Variants in FARP1 observed in about 807,000 individuals in gnomAD.
The protein encoded by FARP1 is FERM, ARH/RhoGEF and pleckstrin domain protein 1.
FARP1 carries 52 observed loss-of-function variants against 128.8 expected under a neutral mutation model. The ratio of observed to expected loss-of-function variants is 0.40; its 90% CI spans 0.32 to 0.51. The LOEUF is 0.51. Ranked by LOEUF, FARP1 falls within the 20% of genes least tolerant of loss-of-function variation. FARP1 has a pLI of 0.45. For synonymous variants in FARP1, 580 were observed against 551.8 expected (o/e 1.05, Z -0.72); for missense variants, 1,333 against 1,367.9 (o/e 0.97, Z 0.40).
chr13:98,283,824 G>T (rs1355928571), intron 2 of FARP1, among the ~76,000 whole-genome samples: 1 of 152,164 alleles, frequency 6.6e-6, no homozygotes, highest in Non-Finnish European at 1.5e-5. Flanking sequence ...AATTAAGGAT[G>T]TACAAGTTAC....
intron 1 of FARP1, among the ~76,000 whole-genome samples, chr13:98,153,367 T>C (rs1222376568): frequency 8.1e-6 from 1 of 122,878 alleles, no homozygotes; most frequent in African/African-American, 3.1e-5. Context: ...ATATAAAATA[T>C]GTTATATATA....
chr13:98,406,036 T>G (rs948777359), intron 13 of FARP1: 4 of 152,222 alleles, frequency 2.6e-5, no homozygotes, highest in African/African-American at 7.2e-5. Context: ...AGTGAAAAAT[T>G]GATTCCACGT....
chr13:98,401,246 C>T (rs879217209), intron 13 of FARP1: 3 of 151,880 alleles, frequency 2.0e-5, no homozygotes, highest in Non-Finnish European at 4.4e-5. Flanking sequence ...AGTTTAATTC[C>T]ATCTGTTTCT....
chr13:98,285,697 C>A (rs564785900), intron 2 of FARP1, among the ~76,000 whole-genome samples: 2 of 152,328 alleles, frequency 1.3e-5, no homozygotes, highest in Admixed American at 1.3e-4. Context: ...GACTCTCTTC[C>A]TTTATGGAGA....
intron 6 of FARP1, among the ~76,000 whole-genome samples, chr13:98,380,317 G>A (rs1382706787): frequency 6.6e-6 from 1 of 151,560 alleles, no homozygotes; most frequent in Non-Finnish European, 1.5e-5. Context: ...TGTGGTGGCG[G>A]TGGGCGCCTG....
intron 24 of FARP1, among the ~76,000 whole-genome samples, chr13:98,442,719 G>C (rs1302561092): frequency 6.6e-6 from 1 of 152,260 alleles, no homozygotes; most frequent in Non-Finnish European, 1.5e-5. Flanking sequence ...CGGAGGAGCA[G>C]GGAAGAACCC....
At position 98,454,214 on chromosome 13, in the gene FARP1, G is replaced by A. The variant is rs1212343812; in HGVS notation, c.*5897G>A. 1 of 152,232 alleles carries A rather than the reference G, an allele frequency of 6.6e-6. No homozygotes were observed. Among genetic ancestry groups the A allele is most frequent in the Non-Finnish European group, 1.5e-5 (1 of 68,036 alleles). 9.4% of individuals were successfully genotyped at this position (152,232 alleles called of 1,614,324 possible). ...AGAAGGCAATGCACCCAAAGATGCT[G>A]ATGAGATTTGGGCTACAGTGGTGGG... On this transcript the variant is annotated 3_prime_UTR_variant, in exon 27 of 27. Coordinates refer to ENST00000319562, the MANE Select transcript of FARP1 (RefSeq NM_005766.4).
chr13:98,335,755 T>C (rs1887712299), intron 2 of FARP1, among the ~76,000 whole-genome samples: 1 of 152,168 alleles, frequency 6.6e-6, no homozygotes, highest in Non-Finnish European at 1.5e-5. Context: ...TGTAGGAAAA[T>C]CTGTGACATT....
At chr13:98,236,864 C>T (rs546354515) in intron 2 of FARP1, among the ~76,000 whole-genome samples, 24 of 152,096 alleles carry the variant, frequency 1.6e-4, no homozygotes, top group African/African-American at 4.3e-4. Flanking sequence ...TGGTGGCACA[C>T]GCCTGTAATC....
At chr13:98,302,561 G>A (rs1250024167) in intron 2 of FARP1, among the ~76,000 whole-genome samples, 2 of 152,206 alleles carry the variant, frequency 1.3e-5, no homozygotes. Context: ...CTGGGTGCTA[G>A]CACTGACCAA....
intron 1 of FARP1, among the ~76,000 whole-genome samples, chr13:98,157,094 T>C (rs1361487838): frequency 6.6e-6 from 1 of 152,210 alleles, no homozygotes; most frequent in Non-Finnish European, 1.5e-5. Flanking sequence ...CGCCTCTTTA[T>C]AGAGATTTTA....
At chr13:98,144,462 A>C (rs1594193087) in intron 1 of FARP1, among the ~76,000 whole-genome samples, 1 of 152,024 alleles carries the variant, frequency 6.6e-6, no homozygotes, top group East Asian at 1.9e-4. Context: ...AGCCCTGGGG[A>C]GTACCGGTGG....
At chr13:98,237,721 T>C (rs561693683) in intron 2 of FARP1, among the ~76,000 whole-genome samples, 1 of 152,214 alleles carries the variant, frequency 6.6e-6, no homozygotes. Context: ...AGAAAAGTCA[T>C]GTCATTACAA....
At chr13:98,289,002 G>T (rs1885328172) in intron 2 of FARP1, among the ~76,000 whole-genome samples, 1 of 145,284 alleles carries the variant, frequency 6.9e-6, no homozygotes. Context: ...TGAGCAATTC[G>T]ACTCAGTGGG....
chr13:98,316,161 G>C (rs1170837171), intron 2 of FARP1, among the ~76,000 whole-genome samples: 1 of 152,144 alleles, frequency 6.6e-6, no homozygotes, highest in Admixed American at 6.5e-5. Context: ...CTTGTCTCAG[G>C]AAGGTGCTGA....
rs1315354057 is a variant in FARP1 at position 98,176,125 on chromosome 13, C to G, written c.-24+32633C>G. ...CATCTCTCTCATCTTACTCAACAGGCTGCTTCTCCCCAGTGTACATACAGA... is the reference window on the plus strand; with the variant it reads ...CATCTCTCTCATCTTACTCAACAGGGTGCTTCTCCCCAGTGTACATACAGA... On this transcript the variant is annotated intron_variant, in intron 1 of 26. Transcript: ENST00000319562. The surrounding 1 kb of genome is among the most constrained non-coding windows in gnomAD (Gnocchi z 6.2). 6.4e-7 allele frequency: 1 copy of G among 1,573,380 alleles called. No individual in the cohort carries two copies. Among genetic ancestry groups the G allele is most frequent in the African/African-American group, 1.4e-5 (1 of 73,836 alleles).
chr13:98,360,381 C>T (rs929709077), intron 3 of FARP1, among the ~76,000 whole-genome samples: 15 of 152,186 alleles, frequency 9.9e-5, no homozygotes, highest in African/African-American at 2.9e-4. Flanking sequence ...CAGGCGTGAG[C>T]GCTCAGCTTA....
chr13:98,311,746 A>G (rs191823605), intron 2 of FARP1, among the ~76,000 whole-genome samples: 1 of 152,364 alleles, frequency 6.6e-6, no homozygotes, highest in East Asian at 1.9e-4. Flanking sequence ...CGTACTTTCA[A>G]AAATAAACTT....
intron 2 of FARP1, among the ~76,000 whole-genome samples, chr13:98,243,732 C>A (rs886431995): frequency 2.0e-5 from 3 of 150,478 alleles, no homozygotes; most frequent in African/African-American, 7.3e-5. Context: ...GTATAACTTG[C>A]ATTGCCCTTT....
Sources: allele counts gnomAD v4.1 joint callset (sites outside exome capture counted in the v4.1 genomes callset), GRCh38; gene constraint gnomAD v4.1.1; non-coding constraint Gnocchi (gnomAD v3.1); transcripts MANE v1.5; gene names NCBI Gene and HGNC (gene_info 2026-07-23, HGNC 2026-07-21).